SLFN11: variants seen among roughly 807,000 people sequenced by gnomAD.
SLFN11 encodes schlafen family member 11.
A neutral mutation model predicts 53.4 loss-of-function variants in SLFN11; 43 were observed. The ratio of observed to expected loss-of-function variants is 0.80; its 90% CI spans 0.63 to 1.04. The LOEUF (loss-of-function observed/expected upper bound fraction) is 1.04, where lower values mean the gene tolerates loss of function less well. Ranked by LOEUF, SLFN11 falls within the 50% of genes least tolerant of loss-of-function variation. The pLI is 0.00. For synonymous variants in SLFN11, 389 were observed against 394.7 expected (o/e 0.99, Z 0.17); for missense variants, 990 against 1,079.1 (o/e 0.92, Z 1.16).
intron 3 of SLFN11, among the ~76,000 whole-genome samples, chr17:35,365,462 A>T (rs78028043): frequency 0.17 from 4,016 of 24,184 alleles, 67 homozygotes; most frequent in South Asian, 0.25. Context: ...TTCTTTAAAA[A>T]TTTTTTTTTT....
In SLFN11 at chr17:35,362,876, T is replaced by C; in HGVS notation, c.932A>G (p.Tyr311Cys). 6.2e-7 allele frequency: 1 copy of C among 1,613,996 alleles called. No individual in the cohort carries two copies. Among genetic ancestry groups the C allele is most frequent in the Non-Finnish European group, 8.5e-7 (1 of 1,179,960 alleles). Residue 311 changes from tyrosine to cysteine, a missense_variant, in exon 4 of 7, where the codon TAT becomes TGT. Physicochemically the swap from Tyr to Cys is radical, Grantham distance 194. Coordinates refer to ENST00000685675, the MANE Select transcript of SLFN11 (RefSeq NM_001376007.1). ...GGGATTTACTCTGATCATGCAAGCA[T>C]AGCCATAGAGCTCTCCCCTTTTTAA... is the stretch of plus-strand genomic sequence containing the variant. ...NVLKRGELYG[Y>C]ACMIRVNPFC...
intron 3 of SLFN11, among the ~76,000 whole-genome samples, chr17:35,364,502 T>C (rs927205064): frequency 2.0e-5 from 3 of 151,984 alleles, no homozygotes; most frequent in African/African-American, 7.2e-5. Context: ...TGTTATTAGG[T>C]TTAGTAAAAT....
rs189553414 is a variant in SLFN11, at chr17:35,360,576, T to C, written c.1070-205A>G. Among the ~76,000 whole-genome samples the C allele has an allele frequency of 3.0e-4, 46 of 152,198 alleles. No homozygotes were observed. In the East Asian group the frequency reaches 7.1e-3, roughly 24 times the overall value. On this transcript the variant is annotated intron_variant, in intron 4 of 6. Transcript: ENST00000685675. ...AAACCCACCCTGAAAAGCCATTATTTGGAAGTTTAACTGTATTTCTCCATT... is the reference window on the plus strand; with the variant it reads ...AAACCCACCCTGAAAAGCCATTATTCGGAAGTTTAACTGTATTTCTCCATT...
In SLFN11 at chr17:35,353,023, C is replaced by A. The variant is rs1192236967; in HGVS notation, c.2039G>T (p.Trp680Leu). Residue 680 changes from tryptophan (W) to leucine (L), a missense_variant, in exon 7 of 7, where the codon TGG becomes TTG. Coordinates refer to ENST00000685675, the MANE Select transcript of SLFN11 (RefSeq NM_001376007.1). ...AQNFRTEDGD[W>L]YGKAKSITRR... ...AGTGATGCTTTTTGCCTTCCCATAC[C>A]AGTCCCCATCTTCAGTACGGAAATT... The A allele has an allele frequency of 6.2e-6, 10 of 1,614,194 alleles. No individual in the cohort carries two copies. The highest frequency in any genetic ancestry group is 7.6e-6 in the Non-Finnish European group (9 of 1,180,036).
rs760558446 is a variant in SLFN11 at position 35,353,933 on chromosome 17, G to C, written c.1325C>G (p.Ser442Cys). ...QPFFRGILIF[S>C]RSWAVDLNLQ... The stretch of plus-strand genomic sequence containing the variant: ...GTTCAGGTCCACAGCCCAACTTCTA[G>C]AGAAGATCAAAATTCCCCGAAAGAA... The change falls in exon 6 of 7, where the codon TCT becomes TGT. Residue 442 changes from serine (S) to cysteine (C), a missense_variant. Coordinates refer to ENST00000685675, the MANE Select transcript of SLFN11 (RefSeq NM_001376007.1). The C allele has an allele frequency of 1.4e-5, 22 of 1,613,856 alleles. No homozygotes were observed. The highest frequency in any genetic ancestry group is 1.8e-5 in the Non-Finnish European group (21 of 1,180,004).
At chr17:35,354,100 A>G (rs1259984239) in intron 5 of SLFN11, 41 bp from the exon 6 acceptor site, 3 of 1,508,406 alleles carry the variant, frequency 2.0e-6, no homozygotes, top group African/African-American at 1.4e-5. Flanking sequence ...AAGAGAAATA[A>G]CCCTATTGAT....
At chr17:35,366,272 A>G (rs1479391913) in intron 3 of SLFN11, among the ~76,000 whole-genome samples, 1 of 152,146 alleles carries the variant, frequency 6.6e-6, no homozygotes, top group African/African-American at 2.4e-5. Flanking sequence ...AATAAGGGAA[A>G]TAATAAAGAA....
At chr17:35,371,128 G>A (rs1909596907) in intron 1 of SLFN11, among the ~76,000 whole-genome samples, 1 of 151,974 alleles carries the variant, frequency 6.6e-6, no homozygotes, top group Non-Finnish European at 1.5e-5. Flanking sequence ...CAGACACATA[G>A]ACCAATGGAA....
chr17:35,351,777 A>C lies in SLFN11; in HGVS notation c.*579T>G, dbSNP rs1906710513. The C allele has an allele frequency of 6.5e-6, 1 of 152,950 alleles. No homozygotes were observed. Among genetic ancestry groups the C allele is most frequent in the Admixed American group, 6.5e-5 (1 of 15,352 alleles). The allele number at this position is 152,950 out of a possible 1,614,324, so 9.5% of individuals were successfully genotyped here. On this transcript the variant is annotated 3_prime_UTR_variant, in exon 7 of 7. Transcript: ENST00000685675. ...TGGAGACCACAATTTTAAAGGATTAAATAATCATAACGGTATTCTTTGTCC... is the reference window on the plus strand; with the variant it reads ...TGGAGACCACAATTTTAAAGGATTACATAATCATAACGGTATTCTTTGTCC...
At position 35,363,143 on chromosome 17, in the gene SLFN11, T is replaced by C. The variant is rs781283477; in HGVS notation, c.665A>G (p.His222Arg). 3.8e-5 allele frequency: 61 copies of C among 1,613,728 alleles called. No individual in the cohort carries two copies. The highest frequency in any genetic ancestry group is 4.4e-5 in the Non-Finnish European group (52 of 1,179,942). The change falls in exon 4 of 7, where the codon CAC becomes CGC. Residue 222 changes from histidine (H) to arginine (R), a missense_variant. Around this residue, in one of 3 missense-constraint regions of SLFN11, gnomAD observed 521 missense variants for 516.2 expected, o/e 1.01. Transcript: ENST00000685675. Reference sequence around the variant, plus strand: ...TGTCCTTTTTACATATTCTTGGAAGTGTTTTGTAGAGAACTGTTTAAACTC... The same window carrying C: ...TGTCCTTTTTACATATTCTTGGAAGCGTTTTGTAGAGAACTGTTTAAACTC... ...LVEFKQFSTK[H>R]FQEYVKRTIP...
At chr17:35,370,846 C>CA (rs1309431209) in intron 1 of SLFN11, among the ~76,000 whole-genome samples, 1 of 152,140 alleles carries the variant, frequency 6.6e-6, no homozygotes, top group East Asian at 1.9e-4. Flanking sequence ...GAAATATACC[C>CA]ATGTTCATGG....
At chr17:35,365,142 A>G (rs1349035869) in intron 3 of SLFN11, among the ~76,000 whole-genome samples, 1 of 152,052 alleles carries the variant, frequency 6.6e-6, no homozygotes, top group African/African-American at 2.4e-5. Flanking sequence ...GAGGAGGAGA[A>G]ATGGAGATAA....
chr17:35,363,982 G>A (rs1908623065), intron 3 of SLFN11, among the ~76,000 whole-genome samples, 156 bp from the exon 4 acceptor site: 1 of 152,122 alleles, frequency 6.6e-6, no homozygotes, highest in Non-Finnish European at 1.5e-5. Context: ...AAGGAAGGGT[G>A]CTAATGAAAT....
chr17:35,358,607 AAACAAC>A (rs565960956), intron 5 of SLFN11, among the ~76,000 whole-genome samples: 58 of 152,048 alleles, frequency 3.8e-4, no homozygotes, highest in South Asian at 1.2e-3. Context: ...GACCTTTAAA[AAACAAC>A]ATGTATTGAG....
At chr17:35,372,424 C>G (rs1475328655) in intron 1 of SLFN11, among the ~76,000 whole-genome samples, 1 of 152,020 alleles carries the variant, frequency 6.6e-6, no homozygotes, top group Non-Finnish European at 1.5e-5. Context: ...TCAATGATAA[C>G]AATTGTACGT....
At chr17:35,354,355 G>A (rs1207109013) in intron 5 of SLFN11, among the ~76,000 whole-genome samples, 2 of 152,094 alleles carry the variant, frequency 1.3e-5, no homozygotes, top group African/African-American at 4.8e-5. Context: ...CTATGAGGAG[G>A]AATAAATGAA....
Position 35,360,254 on chromosome 17 carries a change from A to G in SLFN11, c.1187T>C (p.Leu396Pro). 1 of 1,610,508 alleles carries G rather than the reference A, an allele frequency of 6.2e-7. No homozygotes were observed. Among genetic ancestry groups the G allele is most frequent in the Non-Finnish European group, 8.5e-7 (1 of 1,179,002 alleles). The change falls in exon 5 of 7, where the codon CTT (leucine) becomes CCT (proline). Residue 396 changes from leucine to proline, a missense_variant. Leu to Pro is a moderately conservative substitution (Grantham distance 98). Around this residue, in one of 3 missense-constraint regions of SLFN11, gnomAD observed 521 missense variants for 516.2 expected, o/e 1.01. Coordinates refer to ENST00000685675, the MANE Select transcript of SLFN11 (RefSeq NM_001376007.1). ...CAAACCATAATTACCTGAAAATAAA[A>G]GTTGCTGGAGTTCCTTTTTATGTTC... ...GLEHKKELQQ[L>P]LFSVPPGYLR...
chr17:35,371,456 C>CA (rs968161242), intron 1 of SLFN11, among the ~76,000 whole-genome samples: 132 of 151,910 alleles, frequency 8.7e-4, no homozygotes, highest in African/African-American at 3.0e-3. Context: ...GCAACTAAAG[C>CA]AAAAATGGAC....
chr17:35,370,194 T>G (rs959963329), intron 1 of SLFN11, among the ~76,000 whole-genome samples: 1 of 152,172 alleles, frequency 6.6e-6, no homozygotes, highest in African/African-American at 2.4e-5. Context: ...AATCAGTCAA[T>G]GTGATACATC....
Sources: allele counts gnomAD v4.1 joint callset (sites outside exome capture counted in the v4.1 genomes callset), GRCh38; gene constraint gnomAD v4.1.1; regional missense constraint gnomAD v4.1.1; transcripts MANE v1.5; gene names NCBI Gene and HGNC (gene_info 2026-07-23, HGNC 2026-07-21).